Variants in SLU7 observed in about 807,000 individuals in gnomAD.
SLU7 encodes pre-mRNA-splicing factor SLU7.
A neutral mutation model predicts 87.0 loss-of-function variants in SLU7; 60 were observed. The ratio of observed to expected loss-of-function variants is 0.69; its 90% CI spans 0.56 to 0.86. The LOEUF is 0.86. SLU7 is among the 40% of genes least tolerant of loss of function. The probability of loss-of-function intolerance (pLI) is 0.00; values close to 1 mark genes in which losing one functional copy is unlikely to be tolerated. For synonymous variants in SLU7, 197 were observed against 222.0 expected (o/e 0.89, Z 1.00); for missense variants, 507 against 686.6 (o/e 0.74, Z 2.92).
At chr5:160,417,571 T>C (rs1765506875) in intron 1 of SLU7, among the ~76,000 whole-genome samples, 1 of 152,094 alleles carries the variant, frequency 6.6e-6, no homozygotes. Context: ...GCGGATCACC[T>C]GAGGTAAGGA....
Position 160,406,520 on chromosome 5 carries a change from C to G in SLU7, c.1235G>C (p.Arg412Pro). ...CTCATACTTAGAGCAGGCAACAGCC[C>G]GCTCCTGTCCTTTGATGACTGTCCC... ...RHGTVIKGQERAVACSKYEED... is the reference protein window; with the variant it reads ...RHGTVIKGQEPAVACSKYEED... The change falls in exon 12 of 16, where the codon CGG (arginine) becomes CCG (proline). Residue 412 changes from arginine (R) to proline (P), a missense_variant. Around this residue, in one of 6 missense-constraint regions of SLU7, gnomAD observed 201 missense variants for 213.4 expected, o/e 0.94. Coordinates refer to ENST00000297151, the MANE Select transcript of SLU7 (RefSeq NM_006425.5). The G allele has an allele frequency of 1.2e-6, 2 of 1,613,286 alleles. No individual in the cohort carries two copies. The highest frequency in any genetic ancestry group is 1.7e-6 in the Non-Finnish European group (2 of 1,179,544).
chr5:160,414,528 TATTACA>T (rs1765374171), intron 2 of SLU7, 56 bp from the exon 3 acceptor site: 1 of 1,162,916 alleles, frequency 8.6e-7, no homozygotes, highest in African/African-American at 1.6e-5. Context: ...AAATAATCAG[TATTACA>T]ATTACAAAGG....
intron 6 of SLU7, among the ~76,000 whole-genome samples, chr5:160,410,472 G>A (rs1327208244): frequency 4.6e-5 from 7 of 151,954 alleles, no homozygotes; most frequent in African/African-American, 1.7e-4. Context: ...AATGCTAAAT[G>A]ACGAGTTCAT....
chr5:160,416,082 C>T (rs1390419998), intron 1 of SLU7, among the ~76,000 whole-genome samples: 3 of 152,038 alleles, frequency 2.0e-5, no homozygotes, highest in East Asian at 3.9e-4. Context: ...TTTGTAGTGA[C>T]AGGATTTCAC....
intron 4 of SLU7, 59 bp downstream of exon 4, chr5:160,413,840 G>T: frequency 8.0e-7 from 1 of 1,255,134 alleles, no homozygotes; most frequent in Non-Finnish European, 1.1e-6. Context: ...TTAGCTCTCT[G>T]ACAAAGAAAA....
Position 160,408,658 on chromosome 5 carries a change from A to C in SLU7, c.679T>G (p.Ser227Ala). ...CAGCAAATATGTATTACCATCTGAG[A>C]ATTTGGTTCCTCTTCTCCCCACTGG... ...KHQWGEEEPN[S>A]QMEKDHNSED... is the part of the protein sequence containing the mutation. The change falls in exon 7 of 16, where the codon TCT (serine) becomes GCT (alanine). Residue 227 changes from serine to alanine, a missense_variant. Physicochemically the swap from Ser to Ala is moderately conservative, Grantham distance 99 (BLOSUM62 1). Coordinates refer to ENST00000297151, the MANE Select transcript of SLU7 (RefSeq NM_006425.5). 6.4e-7 allele frequency: 1 copy of C among 1,571,332 alleles called. No homozygotes were observed. Among genetic ancestry groups the C allele is most frequent in the Non-Finnish European group, 8.7e-7 (1 of 1,149,534 alleles).
intron 1 of SLU7, among the ~76,000 whole-genome samples, chr5:160,416,291 A>G (rs1765453852): frequency 1.3e-5 from 2 of 152,320 alleles, no homozygotes; most frequent in Non-Finnish European, 1.5e-5. Context: ...AAGCCACTCT[A>G]AACTCCCACT....
intron 6 of SLU7, among the ~76,000 whole-genome samples, chr5:160,410,533 C>T (rs145484126): frequency 0.014 from 2,138 of 151,918 alleles, 59 homozygotes; most frequent in African/African-American, 0.05. Flanking sequence ...CAAACCTGCA[C>T]GTTGTGCACA....
chr5:160,415,807 A>T (rs951677943), intron 1 of SLU7, among the ~76,000 whole-genome samples: 1 of 152,216 alleles, frequency 6.6e-6, no homozygotes, highest in Non-Finnish European at 1.5e-5. Flanking sequence ...CATTGTGCTA[A>T]ATCCAATGGA....
chr5:160,408,550 T>C (rs1237749442), intron 7 of SLU7, 90 bp from the exon 8 acceptor site: 2 of 1,452,682 alleles, frequency 1.4e-6, no homozygotes, highest in Non-Finnish European at 1.9e-6. Flanking sequence ...AAACCCTTAT[T>C]TACTTGTGTT....
intron 6 of SLU7, among the ~76,000 whole-genome samples, chr5:160,409,015 T>C (rs771558161): frequency 7.3e-5 from 11 of 151,662 alleles, no homozygotes; most frequent in South Asian, 2.1e-4. Context: ...ACACTGTCTA[T>C]AAAGCCAGCA....
intron 1 of SLU7, 82 bp from the exon 2 acceptor site, chr5:160,415,392 T>G: frequency 9.8e-7 from 1 of 1,023,128 alleles, no homozygotes; most frequent in Non-Finnish European, 1.4e-6. Flanking sequence ...CCTAATAATA[T>G]ATACTGTTTC....
intron 5 of SLU7, 42 bp from the exon 6 acceptor site, chr5:160,412,561 C>T (rs767345091): frequency 5.5e-6 from 6 of 1,083,842 alleles, no homozygotes; most frequent in Non-Finnish European, 6.2e-6. Flanking sequence ...AAAAAGTAAA[C>T]ATTTAAATTT....
chr5:160,414,264 A>G (rs1765361678), intron 3 of SLU7, 55 bp downstream of exon 3: 1 of 1,395,556 alleles, frequency 7.2e-7, no homozygotes, highest in East Asian at 2.5e-5. Context: ...AAATTCTTAC[A>G]TTAAGTTCTT....
chr5:160,413,828 A>T (rs1765340917), intron 4 of SLU7, 71 bp downstream of exon 4: 2 of 1,162,450 alleles, frequency 1.7e-6, no homozygotes, highest in African/African-American at 1.6e-5. Context: ...GAAAAAGAGA[A>T]GTTAGCTCTC....
intron 12 of SLU7, 171 bp downstream of exon 12, chr5:160,406,297 T>A (rs1765008002): frequency 3.9e-6 from 2 of 514,414 alleles, no homozygotes. Flanking sequence ...ATGAACATAG[T>A]ATTCCTTCAA....
At position 160,413,996 on chromosome 5, in the gene SLU7, A is replaced by G; in HGVS notation, c.325-17T>C. The G allele has an allele frequency of 6.9e-7, 1 of 1,445,222 alleles. No individual in the cohort carries two copies. Among genetic ancestry groups the G allele is most frequent in the Non-Finnish European group, 9.4e-7 (1 of 1,063,828 alleles). 89.5% of individuals were successfully genotyped at this position (1,445,222 alleles called of 1,614,324 possible). A position where few individuals can be genotyped will look rare whatever the true frequency, so the allele number is the denominator to read the frequency against. On this transcript the variant is annotated splice_polypyrimidine_tract_variant and intron_variant, in intron 3 of 15. Coordinates refer to ENST00000297151, the MANE Select transcript of SLU7 (RefSeq NM_006425.5). ...TATGGAATTCTATAAATATATATAA[A>G]GAAAAACAAAAATGTCTTAACCACG... is the stretch of plus-strand genomic sequence containing the variant.
rs564439167 is a variant in SLU7, at chr5:160,407,414, G to A, written c.1125+62C>T. On this transcript the variant is annotated intron_variant, in intron 11 of 15. Coordinates refer to ENST00000297151, the MANE Select transcript of SLU7 (RefSeq NM_006425.5). The surrounding 1 kb of genome is among the most constrained non-coding windows in gnomAD (Gnocchi z 4.2). ...ATTATTTTCCAAATGTAAAACTAAC[G>A]CTTATTAACTAGTAACTTCTCTTTA... 3.1e-5 allele frequency: 44 copies of A among 1,440,322 alleles called. No homozygotes were observed. Among genetic ancestry groups the A allele is most frequent in the East Asian group, 3.0e-4 (13 of 43,984 alleles). The allele number at this position is 1,440,322 out of a possible 1,614,324, so 89.2% of individuals were successfully genotyped here. A position where few individuals can be genotyped will look rare whatever the true frequency, so the allele number is the denominator to read the frequency against.
intron 3 of SLU7, 163 bp from the exon 4 acceptor site, chr5:160,414,142 G>T: frequency 1.5e-6 from 1 of 686,518 alleles, no homozygotes; most frequent in Non-Finnish European, 2.3e-6. Context: ...AAGAGTTCAG[G>T]AGTGTAAAAT....
Sources: gnomAD v4.1 joint callset for allele counts (sites outside exome capture counted in the v4.1 genomes callset) on GRCh38, gnomAD v4.1.1 for gene constraint, gnomAD v4.1.1 regional missense constraint, Gnocchi (gnomAD v3.1) non-coding constraint, MANE v1.5 for transcripts, NCBI Gene and HGNC (gene_info 2026-07-23, HGNC 2026-07-21) for gene names.